Variants in EXT1 observed in about 807,000 individuals in gnomAD.
EXT1 encodes exostosin glycosyltransferase 1.
Under a neutral mutation model 82.5 loss-of-function variants are expected in EXT1, and 20 were observed. The observed-to-expected ratio is 0.24, with a 90% CI of 0.17 to 0.35. The LOEUF (loss-of-function observed/expected upper bound fraction) is 0.35, where lower values mean the gene tolerates loss of function less well. EXT1 is among the 10% of genes least tolerant of loss of function. The pLI, the probability that EXT1 is intolerant of heterozygous loss-of-function variation, is 1.00. For synonymous variants in EXT1, 348 were observed against 350.8 expected (o/e 0.99, Z 0.09); for missense variants, 757 against 936.5 (o/e 0.81, Z 2.50).
At chr8:117,981,235 A>C (rs535425020) in intron 1 of EXT1, among the ~76,000 whole-genome samples, 100 of 152,318 alleles carry the variant, frequency 6.6e-4, no homozygotes, top group African/African-American at 2.2e-3. Context: ...TTATATTTTT[A>C]AGATTATCAA....
chr8:117,828,767 C>A (rs567924120), intron 4 of EXT1, among the ~76,000 whole-genome samples: 1 of 152,096 alleles, frequency 6.6e-6, no homozygotes, highest in Admixed American at 6.5e-5. Flanking sequence ...TGGGAATGGG[C>A]CTGGGTCTTA....
chr8:117,903,158 T>C (rs1326557985), intron 1 of EXT1, among the ~76,000 whole-genome samples: 1 of 152,258 alleles, frequency 6.6e-6, no homozygotes, highest in Non-Finnish European at 1.5e-5. Flanking sequence ...ATCTGGTCTT[T>C]CTGGTACTTC....
At chr8:118,067,652 C>T (rs554243419) in intron 1 of EXT1, among the ~76,000 whole-genome samples, 154 of 152,266 alleles carry the variant, frequency 1.0e-3, no homozygotes, top group Non-Finnish European at 1.7e-3. Flanking sequence ...AAGAATTATC[C>T]TCTCTCAATT....
At chr8:118,027,330 C>T (rs1173795472) in intron 1 of EXT1, among the ~76,000 whole-genome samples, 1 of 151,444 alleles carries the variant, frequency 6.6e-6, no homozygotes, top group Non-Finnish European at 1.5e-5. Context: ...CACACACACA[C>T]ACACACACAC....
At chr8:118,013,719 A>C (rs905363707) in intron 1 of EXT1, among the ~76,000 whole-genome samples, 1 of 152,222 alleles carries the variant, frequency 6.6e-6, no homozygotes, top group Non-Finnish European at 1.5e-5. Context: ...TACCTGGTTA[A>C]CCTTGTATGT....
intron 1 of EXT1, among the ~76,000 whole-genome samples, chr8:118,004,829 C>A (rs892969898): frequency 1.3e-5 from 2 of 152,172 alleles, no homozygotes; most frequent in Non-Finnish European, 2.9e-5. Context: ...TTCTAGGCAA[C>A]AATATTGCCT....
intron 1 of EXT1, among the ~76,000 whole-genome samples, chr8:118,056,617 G>A (rs1443857300): frequency 1.3e-5 from 2 of 152,194 alleles, no homozygotes; most frequent in East Asian, 3.8e-4. Context: ...GGAGAGAAAG[G>A]TCTGTAATTC....
At chr8:117,856,976 CT>C (rs1311628515) in intron 1 of EXT1, among the ~76,000 whole-genome samples, 1 of 152,166 alleles carries the variant, frequency 6.6e-6, no homozygotes, top group Admixed American at 6.5e-5. Flanking sequence ...TAAGAATTAA[CT>C]TAAAAGCTGT....
intron 1 of EXT1, among the ~76,000 whole-genome samples, chr8:117,899,667 G>A (rs946735800): frequency 2.0e-5 from 3 of 152,170 alleles, no homozygotes; most frequent in African/African-American, 7.2e-5. Flanking sequence ...AGGGGTGGGG[G>A]AAACTGAAGA....
intron 1 of EXT1, among the ~76,000 whole-genome samples, chr8:117,891,869 C>T (rs201905974): frequency 4.1e-5 from 6 of 146,452 alleles, no homozygotes; most frequent in Non-Finnish European, 6.0e-5. Flanking sequence ...TGCAGTGGCA[C>T]GATCTCGGCT....
rs1823099106 is a variant in EXT1 at position 117,797,108 on chromosome 8, TA to T, written c.*2603del. 6.6e-6 allele frequency: 1 copy of T among 152,238 alleles called. No homozygotes were observed. The highest frequency in any genetic ancestry group is 1.5e-5 in the Non-Finnish European group (1 of 68,038). 9.4% of individuals were successfully genotyped at this position (152,238 alleles called of 1,614,324 possible). Reference sequence around the variant, plus strand: ...GACCAGGAGATAATTCCTGACACCCTACAGAGATGGCTATGATTTGTCAACT... The same window carrying T: ...GACCAGGAGATAATTCCTGACACCCTCAGAGATGGCTATGATTTGTCAACT... On this transcript the variant is annotated 3_prime_UTR_variant, in exon 11 of 11. Coordinates refer to ENST00000378204, the MANE Select transcript of EXT1 (RefSeq NM_000127.3).
intron 1 of EXT1, among the ~76,000 whole-genome samples, chr8:117,909,774 A>G (rs1348610087): frequency 6.7e-6 from 1 of 150,114 alleles, no homozygotes; most frequent in Non-Finnish European, 1.5e-5. Flanking sequence ...ATTTTTTTTT[A>G]TTTTTATTTT....
chr8:118,090,017 T>C (rs1817493791), intron 1 of EXT1, among the ~76,000 whole-genome samples: 1 of 152,192 alleles, frequency 6.6e-6, no homozygotes. Context: ...CCTTGGTAAC[T>C]GCTAGAGAGA....
rs1272109113 is a variant in EXT1 at position 117,799,675 on chromosome 8, C to T, written c.*37G>A. 2 of 1,611,628 alleles carry T rather than the reference C, an allele frequency of 1.2e-6. No homozygotes were observed. Among genetic ancestry groups the T allele is most frequent in the Non-Finnish European group, 1.7e-6 (2 of 1,178,110 alleles). On this transcript the variant is annotated 3_prime_UTR_variant, in exon 11 of 11. Coordinates refer to ENST00000378204, the MANE Select transcript of EXT1 (RefSeq NM_000127.3). Reference sequence around the variant, plus strand: ...GAAGAGAGAGCAGCTTGACCCCCATCCCTTCTTGCTTCCCCTCCCCCACTC... The same window carrying T: ...GAAGAGAGAGCAGCTTGACCCCCATTCCTTCTTGCTTCCCCTCCCCCACTC...
Position 118,068,948 on chromosome 8 carries a change from C to T in EXT1, c.962+41137G>A, listed in dbSNP as rs572155995. ...AGAAGCTTTAGAGCTTCCACTATTG[C>T]CCTTTTGGGACTCTAGTATCACGTG... On this transcript the variant is annotated intron_variant, in intron 1 of 10. Coordinates refer to ENST00000378204, the MANE Select transcript of EXT1 (RefSeq NM_000127.3). 2.8e-3 allele frequency among the ~76,000 whole-genome samples: 427 copies of T among 152,226 alleles called. 5 individuals carry two copies. The highest frequency in any genetic ancestry group is 4.5e-3 in the Non-Finnish European group (308 of 68,016).
intron 1 of EXT1, among the ~76,000 whole-genome samples, chr8:117,871,962 T>TAAAAATAAA (rs1812880968): frequency 6.6e-6 from 1 of 151,888 alleles, no homozygotes; most frequent in Non-Finnish European, 1.5e-5. Flanking sequence ...TTGTCTCTGC[T>TAAAAATAAA]AAAAATAAAA....
At chr8:117,806,039 T>C (rs911482190) in intron 9 of EXT1, among the ~76,000 whole-genome samples, 1 of 152,206 alleles carries the variant, frequency 6.6e-6, no homozygotes, top group Non-Finnish European at 1.5e-5. Flanking sequence ...GTCAAAAGAC[T>C]TGGAGTCATC....
At chr8:117,902,534 A>G (rs60815148) in intron 1 of EXT1, among the ~76,000 whole-genome samples, 7,644 of 152,232 alleles carry the variant, frequency 0.05, 646 homozygotes, top group African/African-American at 0.17. Context: ...AAGATCTTAT[A>G]AGCCCAGCAT....
intron 1 of EXT1, among the ~76,000 whole-genome samples, chr8:118,050,326 T>C (rs561663873): frequency 5.9e-5 from 9 of 152,248 alleles, no homozygotes; most frequent in Non-Finnish European, 1.2e-4. Flanking sequence ...ATAGATGCTT[T>C]ACACTCATTA....
Sources: allele counts gnomAD v4.1 joint callset (sites outside exome capture counted in the v4.1 genomes callset), GRCh38; gene constraint gnomAD v4.1.1; transcripts MANE v1.5; gene names NCBI Gene and HGNC (gene_info 2026-07-23, HGNC 2026-07-21).